PRKN: variants seen among roughly 807,000 people sequenced by gnomAD.
The protein encoded by PRKN is parkin RBR E3 ubiquitin protein ligase, also known as E3 ubiquitin-protein ligase parkin.
Under a neutral mutation model 59.5 loss-of-function variants are expected in PRKN, and 56 were observed. The observed-to-expected ratio is 0.94, with a 90% CI of 0.76 to 1.18. The LOEUF (loss-of-function observed/expected upper bound fraction) is 1.18. Ranked by LOEUF, PRKN falls within the 50% of genes most tolerant of loss-of-function variation. PRKN has a pLI of 0.00. For synonymous variants in PRKN, 250 were observed against 222.1 expected, an observed-to-expected ratio of 1.13 and a Z score of -1.12; for missense variants, 657 against 596.4, an observed-to-expected ratio of 1.10 and a Z score of -1.06.
chr6:162,218,859 T>G (rs775349992), intron 3 of PRKN, among the ~76,000 whole-genome samples: 1 of 152,180 alleles, frequency 6.6e-6, no homozygotes, highest in African/African-American at 2.4e-5. Context: ...TTTCTGTTTC[T>G]CAGTTGCCAA....
chr6:161,532,646 A>G (rs1445940804), intron 9 of PRKN, among the ~76,000 whole-genome samples: 1 of 152,216 alleles, frequency 6.6e-6, no homozygotes. Context: ...AGGAAAAAAC[A>G]TCCTTGCTAA....
intron 4 of PRKN, among the ~76,000 whole-genome samples, chr6:162,153,157 G>A (rs914973703): frequency 9.2e-5 from 14 of 152,206 alleles, no homozygotes; most frequent in East Asian, 5.8e-4. Flanking sequence ...GAGCTGTCCC[G>A]TTTACTCAGC....
At chr6:162,504,365 T>C (rs1793512265) in intron 1 of PRKN, among the ~76,000 whole-genome samples, 1 of 152,176 alleles carries the variant, frequency 6.6e-6, no homozygotes, top group South Asian at 2.1e-4. Context: ...TTACAAAACT[T>C]CACCCAAATA....
chr6:162,589,395 T>C (rs1010586111), intron 1 of PRKN, among the ~76,000 whole-genome samples: 6 of 152,168 alleles, frequency 3.9e-5, no homozygotes, highest in African/African-American at 1.4e-4. Flanking sequence ...TAAACAGATA[T>C]ATTCGTATTT....
chr6:162,384,295 T>C (rs1162978770), intron 2 of PRKN, among the ~76,000 whole-genome samples: 1 of 152,188 alleles, frequency 6.6e-6, no homozygotes, highest in Non-Finnish European at 1.5e-5. Context: ...CTCCTTTCAC[T>C]TGAATGCTCA....
At chr6:161,946,415 C>CACACACTCTCTG in intron 6 of PRKN, among the ~76,000 whole-genome samples, 1 of 14,140 alleles carries the variant, frequency 7.1e-5, no homozygotes, top group African/African-American at 1.2e-4. Flanking sequence ...CACACACACA[C>CACACACTCTCTG]TCTCTCTCTC....
intron 3 of PRKN, among the ~76,000 whole-genome samples, chr6:162,209,352 A>G (rs547142324): frequency 6.6e-6 from 1 of 152,336 alleles, no homozygotes; most frequent in South Asian, 2.1e-4. Context: ...CACATGAAAA[A>G]ATGCTCATCG....
At chr6:161,909,048 A>C (rs1256692602) in intron 6 of PRKN, among the ~76,000 whole-genome samples, 1 of 152,228 alleles carries the variant, frequency 6.6e-6, no homozygotes, top group African/African-American at 2.4e-5. Flanking sequence ...TGAGCCAGTG[A>C]GTCAATGCAC....
At chr6:162,283,570 G>A (rs1435257404) in intron 2 of PRKN, among the ~76,000 whole-genome samples, 1 of 152,218 alleles carries the variant, frequency 6.6e-6, no homozygotes, top group East Asian at 1.9e-4. Flanking sequence ...CGCCCAGGCT[G>A]GAGTGCAGTA....
At chr6:162,013,981 A>G (rs1323375704) in intron 5 of PRKN, among the ~76,000 whole-genome samples, 2 of 151,982 alleles carry the variant, frequency 1.3e-5, no homozygotes, top group Admixed American at 1.3e-4. Flanking sequence ...ATTTTTTTAA[A>G]CATAATACAT....
chr6:161,814,185 CA>C (rs1791671721), intron 6 of PRKN, among the ~76,000 whole-genome samples: 1 of 152,186 alleles, frequency 6.6e-6, no homozygotes, highest in African/African-American at 2.4e-5. Context: ...TACTCTTATT[CA>C]AGCATTGTGC....
In PRKN at chr6:161,353,302, G is replaced by C. The variant is rs1353591167; in HGVS notation, c.1286-3091C>G. Among the ~76,000 whole-genome samples the C allele has an allele frequency of 6.6e-6, 1 of 152,168 alleles. No individual in the cohort carries two copies. The highest frequency in any genetic ancestry group is 1.5e-5 in the Non-Finnish European group (1 of 68,030). ...TTATAAGACCCGGATTTCAGAAAGAGTCCTGTCCATCCCCTGGAGGAAGGA... is the reference window on the plus strand; with the variant it reads ...TTATAAGACCCGGATTTCAGAAAGACTCCTGTCCATCCCCTGGAGGAAGGA... On this transcript the variant is annotated intron_variant, in intron 11 of 11. Transcript: ENST00000366898. This position sits in a 1 kb window ranked among gnomAD's most constrained non-coding sequence, Gnocchi z 4.8.
At chr6:162,612,084 T>G (rs1041781804) in intron 1 of PRKN, among the ~76,000 whole-genome samples, 72 of 148,166 alleles carry the variant, frequency 4.9e-4, no homozygotes, top group African/African-American at 1.8e-3. Flanking sequence ...TCCCAGCTAC[T>G]CGGGAGGCTG....
At chr6:161,661,501 C>A (rs62436832) in intron 7 of PRKN, among the ~76,000 whole-genome samples, 8,574 of 152,098 alleles carry the variant, frequency 0.056, 303 homozygotes, top group South Asian at 0.1. Context: ...CCTCCTAGAC[C>A]GCAGGAACTC....
At chr6:162,719,745 CAAGT>C (rs1367786495) in intron 1 of PRKN, among the ~76,000 whole-genome samples, 3 of 152,080 alleles carry the variant, frequency 2.0e-5, no homozygotes, top group Non-Finnish European at 2.9e-5. Context: ...CCTGTGGCAA[CAAGT>C]AAGGAAGAAA....
intron 1 of PRKN, among the ~76,000 whole-genome samples, chr6:162,725,983 C>G (rs1779157876): frequency 6.6e-6 from 1 of 152,088 alleles, no homozygotes; most frequent in Non-Finnish European, 1.5e-5. Flanking sequence ...TAAAAACCAA[C>G]CTTATATTCT....
rs1270723179 is a variant in PRKN at position 162,011,071 on chromosome 6, T to TA, written c.619-37655dup. ...ATAATATATATTATAATATATAATA[T>TA]ATTTATAATATATATTATAATATAT... On this transcript the variant is annotated intron_variant, in intron 5 of 11. Coordinates refer to ENST00000366898, the MANE Select transcript of PRKN (RefSeq NM_004562.3). Among the ~76,000 whole-genome samples the TA allele has an allele frequency of 8.7e-3, 131 of 15,030 alleles. 38 individuals carry two copies. The highest frequency in any genetic ancestry group is 0.04 in the African/African-American group (89 of 2,248). 9.9% of individuals were successfully genotyped at this position (15,030 alleles called of 152,430 possible). A position where few individuals can be genotyped will look rare whatever the true frequency, so the allele number is the denominator to read the frequency against.
intron 2 of PRKN, among the ~76,000 whole-genome samples, chr6:162,387,330 AT>A (rs938075236): frequency 6.6e-5 from 10 of 151,460 alleles, no homozygotes; most frequent in African/African-American, 2.2e-4. Context: ...ACAAAAGCTT[AT>A]TTTTTTCCTT....
At chr6:161,826,961 C>A (rs563420325) in intron 6 of PRKN, among the ~76,000 whole-genome samples, 1 of 152,270 alleles carries the variant, frequency 6.6e-6, no homozygotes, top group East Asian at 1.9e-4. Context: ...TAAGATGACA[C>A]AGCACCACGT....
Sources: gnomAD v4.1 joint callset for allele counts (sites outside exome capture counted in the v4.1 genomes callset) on GRCh38, gnomAD v4.1.1 for gene constraint, Gnocchi (gnomAD v3.1) non-coding constraint, MANE v1.5 for transcripts, NCBI Gene and HGNC (gene_info 2026-07-23, HGNC 2026-07-21) for gene names.